The following APBB1IP variants were observed in gnomAD, a reference collection of about 807,000 sequenced individuals.
APBB1IP encodes amyloid beta precursor protein binding family B member 1 interacting protein.
In APBB1IP, 27 loss-of-function variants were observed where a neutral mutation model predicts 64.9. The observed-to-expected ratio is 0.42, with a 90% CI of 0.31 to 0.57. The LOEUF (loss-of-function observed/expected upper bound fraction) is 0.57, where lower values mean the gene tolerates loss of function less well. Among genes scored for constraint, APBB1IP ranks in the 20% least tolerant of loss-of-function variants. APBB1IP has a pLI of 0.20. For missense variants in APBB1IP, 812 were observed against 845.5 expected, an observed-to-expected ratio of 0.96 and a Z score of 0.49; for synonymous variants, 392 against 331.0, an observed-to-expected ratio of 1.18 and a Z score of -2.00.
At chr10:26,565,189 A>C (rs562262036) in intron 14 of APBB1IP, among the ~76,000 whole-genome samples, 1 of 152,338 alleles carries the variant, frequency 6.6e-6, no homozygotes, top group Admixed American at 6.5e-5. Flanking sequence ...GACTGTGTGA[A>C]GGTTTTGGGA....
chr10:26,456,843 G>A lies in APBB1IP; in HGVS notation c.-1+17990G>A, dbSNP rs146846234. 2.4e-3 allele frequency among the ~76,000 whole-genome samples: 357 copies of A among 151,586 alleles called. 1 individual carries two copies. Among genetic ancestry groups the A allele is most frequent in the Non-Finnish European group, 3.5e-3 (237 of 67,906 alleles). On this transcript the variant is annotated intron_variant, in intron 2 of 14. Transcript: ENST00000376236. ...GAGATTGGAGATAGGAAGATGAAAAGTAAGCTGGGGGCAGAATCCTGATAA... is the reference window on the plus strand; with the variant it reads ...GAGATTGGAGATAGGAAGATGAAAAATAAGCTGGGGGCAGAATCCTGATAA...
chr10:26,475,274 C>T (rs2132418150), intron 2 of APBB1IP, among the ~76,000 whole-genome samples: 1 of 152,234 alleles, frequency 6.6e-6, no homozygotes, highest in South Asian at 2.1e-4. Context: ...AGGCCCCTGC[C>T]ACCACACCCA....
rs759872730 is a variant in APBB1IP, at chr10:26,516,178, AAAAC to A, written c.813+2536_813+2539del. Among the ~76,000 whole-genome samples, 18 of 152,200 alleles carry A rather than the reference AAAAC, an allele frequency of 1.2e-4. 1 individual carries two copies. The highest frequency in any genetic ancestry group is 3.4e-3 in the Middle Eastern group (1 of 294). On this transcript the variant is annotated intron_variant, in intron 8 of 14. Coordinates refer to ENST00000376236, the MANE Select transcript of APBB1IP (RefSeq NM_019043.4). ...CAAGGCTTAAGGACATGCCCAGAAG[AAAAC>A]AAACAAACAAACAAACAGAATCACA... is the stretch of plus-strand genomic sequence containing the variant.
At chr10:26,470,521 A>G (rs1399047352) in intron 2 of APBB1IP, among the ~76,000 whole-genome samples, 1 of 152,234 alleles carries the variant, frequency 6.6e-6, no homozygotes, top group African/African-American at 2.4e-5. Flanking sequence ...CCTAGGCGAC[A>G]GAGCGAGACT....
At chr10:26,566,896 A>T in intron 14 of APBB1IP, 65 bp from the exon 15 acceptor site, 1 of 1,470,684 alleles carries the variant, frequency 6.8e-7, no homozygotes, top group Non-Finnish European at 9.0e-7. Flanking sequence ...CCATTAATTA[A>T]TAACAATAAA....
At chr10:26,511,975 G>A in intron 7 of APBB1IP, 69 bp downstream of exon 7, 1 of 1,524,686 alleles carries the variant, frequency 6.6e-7, no homozygotes, top group South Asian at 1.2e-5. Context: ...ATGGGCTTGG[G>A]TTTATTCTTT....
chr10:26,442,921 G>A (rs994715137), intron 2 of APBB1IP, among the ~76,000 whole-genome samples: 1 of 152,068 alleles, frequency 6.6e-6, no homozygotes, highest in Non-Finnish European at 1.5e-5. Context: ...ACACTGGCAT[G>A]GCAGACTGGA....
intron 8 of APBB1IP, among the ~76,000 whole-genome samples, chr10:26,522,371 G>A (rs78651972): frequency 0.014 from 2,204 of 152,180 alleles, 41 homozygotes; most frequent in African/African-American, 0.049. Context: ...ACATTGACAC[G>A]TTATTATCAC....
chr10:26,515,804 T>C (rs546765580), intron 8 of APBB1IP, among the ~76,000 whole-genome samples: 5 of 151,894 alleles, frequency 3.3e-5, no homozygotes, highest in Admixed American at 2.6e-4. Context: ...TACCTCCATA[T>C]CCCATTAGGC....
intron 8 of APBB1IP, among the ~76,000 whole-genome samples, chr10:26,531,472 C>A (rs535750749): frequency 6.6e-6 from 1 of 152,262 alleles, no homozygotes; most frequent in African/African-American, 2.4e-5. Context: ...TCGAGACCAT[C>A]CTGGCTAACA....
intron 3 of APBB1IP, among the ~76,000 whole-genome samples, chr10:26,493,287 G>A (rs937453506): frequency 2.6e-5 from 4 of 152,028 alleles, no homozygotes; most frequent in South Asian, 2.1e-4. Context: ...TGCAGTTAAC[G>A]CAATCATCAC....
At chr10:26,534,777 T>G (rs1409815468) in intron 9 of APBB1IP, among the ~76,000 whole-genome samples, 2 of 152,206 alleles carry the variant, frequency 1.3e-5, no homozygotes, top group African/African-American at 4.8e-5. Context: ...GGATAGTCCT[T>G]GTTCCAGGAA....
Position 26,567,201 on chromosome 10 carries a change from C to T in APBB1IP, c.1714C>T (p.Pro572Ser), listed in dbSNP as rs1298315964. ...CGATGACCCTGAGCTCCCGCCGCCG[C>T]CCCCGGACTTCATGGAGCCGCCCCC... is the stretch of plus-strand genomic sequence containing the variant. ...PLDDPELPPP[P>S]PDFMEPPPDF... The change falls in exon 15 of 15, where the codon CCC (proline) becomes TCC (serine). Residue 572 changes from proline (P) to serine (S), a missense_variant. By Grantham distance (74) the Pro-to-Ser change is moderately conservative (BLOSUM62 -1). This residue lies in a region of APBB1IP where 381 missense variants were observed against 352.1 expected (regional missense o/e 1.08). Coordinates refer to ENST00000376236, the MANE Select transcript of APBB1IP (RefSeq NM_019043.4). The T allele has an allele frequency of 2.2e-6, 3 of 1,389,084 alleles. No individual in the cohort carries two copies. Among genetic ancestry groups the T allele is most frequent in the South Asian group, 2.9e-5 (2 of 68,276 alleles). 86.0% of individuals were successfully genotyped at this position (1,389,084 alleles called of 1,614,324 possible).
At chr10:26,449,008 G>A (rs1002596190) in intron 2 of APBB1IP, among the ~76,000 whole-genome samples, 8 of 152,160 alleles carry the variant, frequency 5.3e-5, no homozygotes, top group African/African-American at 1.4e-4. Flanking sequence ...AAATACGCCT[G>A]TCTTTCAGGG....
rs56982662 is a variant in APBB1IP, at chr10:26,524,955, C to CTTTTTT, written c.814-8470_814-8465dup. On this transcript the variant is annotated intron_variant, in intron 8 of 14. Coordinates refer to ENST00000376236, the MANE Select transcript of APBB1IP (RefSeq NM_019043.4). ...TCTTTTTCTTTCTCTTTCTTTCTTT[C>CTTTTTT]TTTTTTTTTTTTTTTTTTTATAAAA... 1.1e-3 allele frequency among the ~76,000 whole-genome samples: 82 copies of CTTTTTT among 73,900 alleles called. 1 individual carries two copies. The highest frequency in any genetic ancestry group is 2.5e-3 in the South Asian group (5 of 1,968). 48.5% of individuals were successfully genotyped at this position (73,900 alleles called of 152,430 possible).
intron 11 of APBB1IP, among the ~76,000 whole-genome samples, chr10:26,553,938 G>A (rs907476406): frequency 6.6e-6 from 1 of 152,044 alleles, no homozygotes; most frequent in Non-Finnish European, 1.5e-5. Flanking sequence ...ACACTGTAAT[G>A]CTCTCCAGGG....
chr10:26,487,505 CTG>C (rs1291782553), intron 2 of APBB1IP, among the ~76,000 whole-genome samples: 1 of 152,148 alleles, frequency 6.6e-6, no homozygotes, highest in Non-Finnish European at 1.5e-5. Context: ...TTACTTATGA[CTG>C]TACGTTTCAG....
chr10:26,443,129 A>G (rs992218650), intron 2 of APBB1IP, among the ~76,000 whole-genome samples: 2 of 152,212 alleles, frequency 1.3e-5, no homozygotes, highest in African/African-American at 4.8e-5. Context: ...TAAGTGGAAT[A>G]AAGAATATGT....
intron 2 of APBB1IP, among the ~76,000 whole-genome samples, chr10:26,466,215 C>T (rs1835646785): frequency 6.6e-6 from 1 of 152,138 alleles, no homozygotes; most frequent in Admixed American, 6.6e-5. Context: ...ATCGAGGCAG[C>T]TGGGCTTCCA....
Sources: gnomAD v4.1 joint callset for allele counts (sites outside exome capture counted in the v4.1 genomes callset) on GRCh38, gnomAD v4.1.1 for gene constraint, gnomAD v4.1.1 regional missense constraint, MANE v1.5 for transcripts, NCBI Gene and HGNC (gene_info 2026-07-23, HGNC 2026-07-21) for gene names.